Variants in KANK1 observed in about 807,000 individuals in gnomAD.
The protein encoded by KANK1 is KN motif and ankyrin repeat domain-containing protein 1.
A neutral mutation model predicts 106.2 loss-of-function variants in KANK1; 109 were observed. The ratio of observed to expected loss-of-function variants is 1.03; its 90% confidence interval spans 0.88 to 1.20. The LOEUF (loss-of-function observed/expected upper bound fraction) is 1.20. Ranked by LOEUF, KANK1 falls within the 50% of genes most tolerant of loss-of-function variation. KANK1 has a pLI of 0.00. For synonymous variants in KANK1, 873 were observed against 652.2 expected, an observed-to-expected ratio of 1.34 and a Z score of -5.16; for missense variants, 2,399 against 1,710.7, an observed-to-expected ratio of 1.40 and a Z score of -7.10.
At chr9:731,925 A>T (rs1413873622) in intron 5 of KANK1, 3 of 157,548 alleles carry the variant, frequency 1.9e-5, no homozygotes, top group Admixed American at 1.8e-4. Context: ...CAAATCTAGA[A>T]GTTTTATTCA....
intron 1 of KANK1, among the ~76,000 whole-genome samples, chr9:607,540 G>C (rs1026554637): frequency 6.8e-5 from 10 of 147,580 alleles, no homozygotes; most frequent in African/African-American, 2.5e-4. Context: ...CACTGTTTCA[G>C]TTGAGTACCT....
intron 1 of KANK1, among the ~76,000 whole-genome samples, chr9:676,247 C>T (rs1445680304): frequency 6.6e-6 from 1 of 152,088 alleles, no homozygotes; most frequent in African/African-American, 2.4e-5. Context: ...TTTTATCTAG[C>T]CCCTACTCAA....
chr9:500,983 T>G (rs933061269), upstream of KANK1, among the ~76,000 whole-genome samples: 11 of 152,190 alleles, frequency 7.2e-5, no homozygotes, highest in African/African-American at 2.4e-4. Context: ...ACTGAATGAC[T>G]TTCTTCCTCC....
intron 1 of KANK1, among the ~76,000 whole-genome samples, chr9:570,412 G>A (rs1818876533): frequency 6.6e-6 from 1 of 152,186 alleles, no homozygotes; most frequent in African/African-American, 2.4e-5. Flanking sequence ...AGTGGGCCCA[G>A]CTGGGTGTAC....
At chr9:721,779 G>T (rs961748767) in intron 3 of KANK1, among the ~76,000 whole-genome samples, 1 of 152,220 alleles carries the variant, frequency 6.6e-6, no homozygotes, top group Non-Finnish European at 1.5e-5. Context: ...CTTACAGTCT[G>T]CTGTTCACTT....
intron 1 of KANK1, among the ~76,000 whole-genome samples, chr9:609,405 A>G (rs1418082048): frequency 6.6e-6 from 1 of 152,208 alleles, no homozygotes; most frequent in Non-Finnish European, 1.5e-5. Flanking sequence ...AGGAGGGCGG[A>G]TCACCTGAGG....
chr9:675,301 G>C (rs1017650396), intron 1 of KANK1, among the ~76,000 whole-genome samples: 1 of 152,206 alleles, frequency 6.6e-6, no homozygotes, highest in East Asian at 1.9e-4. Flanking sequence ...GCATTCTGTT[G>C]TTAAGAGGTC....
chr9:603,192 T>G (rs1532309), intron 1 of KANK1, among the ~76,000 whole-genome samples: 55,701 of 151,710 alleles, frequency 0.37, 12,636 homozygotes, highest in South Asian at 0.57. Flanking sequence ...GTAAGAAATT[T>G]CCCTACTCAT....
intron 3 of KANK1, among the ~76,000 whole-genome samples, chr9:488,681 C>T (rs368047575): frequency 6.2e-4 from 94 of 152,298 alleles, no homozygotes; most frequent in African/African-American, 2.2e-3. Flanking sequence ...CTGTGACTGT[C>T]TTGTAAGAGT....
chr9:593,878 T>C (rs1287284752), intron 1 of KANK1, among the ~76,000 whole-genome samples: 1 of 151,914 alleles, frequency 6.6e-6, no homozygotes, highest in Non-Finnish European at 1.5e-5. Flanking sequence ...GCTATCAGTT[T>C]ATAAAATTTT....
At chr9:661,242 T>G (rs936572760) in intron 1 of KANK1, among the ~76,000 whole-genome samples, 3 of 151,964 alleles carry the variant, frequency 2.0e-5, no homozygotes, top group African/African-American at 4.8e-5. Flanking sequence ...GTCATTTACA[T>G]TAGGTATTTC....
Position 597,584 on chromosome 9 carries a change from A to C in KANK1, c.-83-79306A>C, listed in dbSNP as rs1446601119. Among the ~76,000 whole-genome samples, 3 of 151,658 alleles carry C rather than the reference A, an allele frequency of 2.0e-5. 1 individual carries two copies. Among genetic ancestry groups the C allele is most frequent in the African/African-American group, 4.9e-5 (2 of 41,028 alleles). ...TTGTTGACTTGTAAGAGTGCTTTAT[A>C]TATTCTGGATACTAGACCCTTAATA... On this transcript the variant is annotated intron_variant, in intron 1 of 11. Transcript: ENST00000382297.
At chr9:566,663 GA>G (rs1441046960) in intron 1 of KANK1, among the ~76,000 whole-genome samples, 1 of 152,110 alleles carries the variant, frequency 6.6e-6, no homozygotes, top group African/African-American at 2.4e-5. Flanking sequence ...GTCTTCTTTT[GA>G]AAGGTGTCTG....
intron 1 of KANK1, among the ~76,000 whole-genome samples, chr9:567,806 A>T (rs1411692637): frequency 6.6e-6 from 1 of 152,210 alleles, no homozygotes; most frequent in East Asian, 1.9e-4. Flanking sequence ...CGAGCTTATC[A>T]GAATTAGAGT....
Position 713,300 on chromosome 9 carries a change from A to G in KANK1, c.2534A>G (p.Tyr845Cys), listed in dbSNP as rs773621806. ...AEQQTLLAEN[Y>C]SELAEAFGEP... Reference sequence around the variant, plus strand: ...CAGCAGACACTGCTGGCTGAGAACTACAGTGAACTGGCAGAAGCTTTCGGG... The same window carrying G: ...CAGCAGACACTGCTGGCTGAGAACTGCAGTGAACTGGCAGAAGCTTTCGGG... Residue 845 changes from tyrosine to cysteine, a missense_variant, in exon 3 of 12, where the codon TAC (tyrosine) becomes TGC (cysteine). By Grantham distance (194) the Tyr-to-Cys change is radical (BLOSUM62 -2). Transcript: ENST00000382297. 8 of 1,614,164 alleles carry G rather than the reference A, an allele frequency of 5.0e-6. No homozygotes were observed. In the East Asian group the frequency reaches 8.9e-5, roughly 18 times the overall value.
chr9:745,377 G>C lies in KANK1; in HGVS notation c.*142G>C, dbSNP rs1836926246. ...ATCAAGCCCAGGGGTAAAGGCTGAA[G>C]CTTTCACAGTGCAGAGACTGCTAGC... On this transcript the variant is annotated 3_prime_UTR_variant, in exon 12 of 12. Transcript: ENST00000382297. 2 of 1,034,966 alleles carry C rather than the reference G, an allele frequency of 1.9e-6. No homozygotes were observed. Among genetic ancestry groups the C allele is most frequent in the Non-Finnish European group, 2.9e-6 (2 of 682,300 alleles). 64.1% of individuals were successfully genotyped at this position (1,034,966 alleles called of 1,614,324 possible). A position where few individuals can be genotyped will look rare whatever the true frequency, so the allele number is the denominator to read the frequency against.
chr9:685,016 G>A (rs1457996041), intron 2 of KANK1, among the ~76,000 whole-genome samples: 1 of 152,152 alleles, frequency 6.6e-6, no homozygotes, highest in Non-Finnish European at 1.5e-5. Flanking sequence ...GAAATTCTAA[G>A]TTCAAAAACC....
chr9:541,809 G>A (rs1266802274), intron 1 of KANK1, among the ~76,000 whole-genome samples: 1 of 152,204 alleles, frequency 6.6e-6, no homozygotes, highest in African/African-American at 2.4e-5. Flanking sequence ...AAATGAACAG[G>A]CCGGGCGCGG....
chr9:475,688 C>G (rs1288143000), intron 3 of KANK1, among the ~76,000 whole-genome samples: 2 of 151,984 alleles, frequency 1.3e-5, no homozygotes, highest in African/African-American at 4.8e-5. Context: ...ATATTTTATC[C>G]CATAACATGT....
Sources: allele counts gnomAD v4.1 joint callset (sites outside exome capture counted in the v4.1 genomes callset), GRCh38; gene constraint gnomAD v4.1.1; transcripts MANE v1.5; gene names NCBI Gene and HGNC (gene_info 2026-07-23, HGNC 2026-07-21).